Variants in SYN3 observed in about 807,000 individuals in gnomAD.
SYN3 encodes synapsin-3.
SYN3 carries 35 observed loss-of-function variants against 65.8 expected under a neutral mutation model. That is an observed-to-expected ratio of 0.53 (90% CI 0.41 to 0.70). SYN3 has a LOEUF of 0.70. Among genes scored for constraint, SYN3 ranks in the 30% least tolerant of loss-of-function variants. SYN3 has a pLI of 0.00. For synonymous variants in SYN3, 270 were observed against 292.9 expected, an observed-to-expected ratio of 0.92 and a Z score of 0.80; for missense variants, 680 against 749.0, an observed-to-expected ratio of 0.91 and a Z score of 1.08.
chr22:32,961,235 T>G (rs535352607), intron 3 of SYN3, among the ~76,000 whole-genome samples: 1 of 152,106 alleles, frequency 6.6e-6, no homozygotes, highest in Non-Finnish European at 1.5e-5. Flanking sequence ...GTTGGGGGGA[T>G]TGGGGCAAAA....
At chr22:32,685,057 A>G (rs1309067765) in intron 6 of SYN3, among the ~76,000 whole-genome samples, 1 of 152,192 alleles carries the variant, frequency 6.6e-6, no homozygotes, top group African/African-American at 2.4e-5. Context: ...ATATGGCTAC[A>G]TTCCTTTCAC....
chr22:33,049,172 T>A, intron 1 of SYN3, among the ~76,000 whole-genome samples: 1 of 152,202 alleles, frequency 6.6e-6, no homozygotes, highest in East Asian at 1.9e-4. Context: ...AGACACAGTG[T>A]TGCTGTACCC....
intron 7 of SYN3, among the ~76,000 whole-genome samples, chr22:32,566,075 T>C (rs1601648640): frequency 6.6e-6 from 1 of 152,210 alleles, no homozygotes; most frequent in East Asian, 1.9e-4. Flanking sequence ...TCTCCTGACC[T>C]AAAGTGATCC....
chr22:32,877,565 C>T (rs2049016035), intron 4 of SYN3, among the ~76,000 whole-genome samples: 1 of 152,134 alleles, frequency 6.6e-6, no homozygotes, highest in Admixed American at 6.5e-5. Flanking sequence ...ACTCCCATGC[C>T]CAGTTGTGAC....
intron 6 of SYN3, among the ~76,000 whole-genome samples, chr22:32,840,471 C>T (rs1025005151): frequency 1.3e-5 from 2 of 152,056 alleles, no homozygotes; most frequent in Admixed American, 1.3e-4. Context: ...AGAGAGAGTT[C>T]CTCTTCACTC....
At chr22:32,819,480 T>C (rs1025576017) in intron 6 of SYN3, among the ~76,000 whole-genome samples, 32 of 152,228 alleles carry the variant, frequency 2.1e-4, no homozygotes, top group African/African-American at 7.7e-4. Flanking sequence ...AGGATGTCCA[T>C]TGACTATAAA....
chr22:32,995,645 C>T (rs1347237440), intron 2 of SYN3, among the ~76,000 whole-genome samples: 4 of 151,524 alleles, frequency 2.6e-5, no homozygotes, highest in Non-Finnish European at 1.5e-5. Flanking sequence ...CTCATGCCTT[C>T]GGTCAAAGCA....
At chr22:32,684,517 T>C (rs2060565141) in intron 6 of SYN3, among the ~76,000 whole-genome samples, 2 of 152,224 alleles carry the variant, frequency 1.3e-5, no homozygotes, top group Admixed American at 1.3e-4. Flanking sequence ...ATCACCAAGC[T>C]CTTTTCTAAA....
chr22:32,964,119 G>A (rs2051746929), intron 3 of SYN3, among the ~76,000 whole-genome samples: 2 of 151,990 alleles, frequency 1.3e-5, no homozygotes, highest in African/African-American at 4.8e-5. Context: ...ATGAACCTCA[G>A]GGCTGTTGCT....
At chr22:32,535,493 G>A (rs951797646) in intron 9 of SYN3, among the ~76,000 whole-genome samples, 4 of 152,156 alleles carry the variant, frequency 2.6e-5, no homozygotes, top group Non-Finnish European at 5.9e-5. Context: ...CTTGGAGCTC[G>A]AAGAATCCTC....
At chr22:32,870,237 T>A (rs1323178312) in intron 4 of SYN3, among the ~76,000 whole-genome samples, 1 of 152,228 alleles carries the variant, frequency 6.6e-6, no homozygotes, top group Non-Finnish European at 1.5e-5. Flanking sequence ...AGGAAACTCC[T>A]AACAACCTTT....
chr22:32,703,763 C>A (rs187196271), intron 6 of SYN3, among the ~76,000 whole-genome samples: 147 of 152,170 alleles, frequency 9.7e-4, no homozygotes, highest in African/African-American at 3.3e-3. Flanking sequence ...TAAATGCATC[C>A]CACCCAATGT....
chr22:33,001,594 T>C (rs1455712024), intron 2 of SYN3, among the ~76,000 whole-genome samples: 1 of 152,240 alleles, frequency 6.6e-6, no homozygotes, highest in Non-Finnish European at 1.5e-5. Flanking sequence ...TACAAGGGGC[T>C]ACTGTTAAGA....
intron 3 of SYN3, among the ~76,000 whole-genome samples, chr22:32,969,366 A>G (rs2051948362): frequency 6.6e-6 from 1 of 152,214 alleles, no homozygotes; most frequent in Admixed American, 6.5e-5. Context: ...AGCATTCCCC[A>G]GCCCTCGCTG....
chr22:32,858,879 G>A (rs767112514), intron 6 of SYN3, among the ~76,000 whole-genome samples: 50 of 152,076 alleles, frequency 3.3e-4, no homozygotes, highest in Admixed American at 7.2e-4. Flanking sequence ...AGACGAAAAA[G>A]TCCTCTCAGT....
At chr22:32,563,659 A>G (rs1159627719) in intron 7 of SYN3, among the ~76,000 whole-genome samples, 2 of 152,100 alleles carry the variant, frequency 1.3e-5, no homozygotes, top group Admixed American at 1.3e-4. Flanking sequence ...CCCTTGGACA[A>G]CCTGGAGCCC....
At chr22:32,546,482 T>G (rs2058337673) in intron 7 of SYN3, among the ~76,000 whole-genome samples, 1 of 152,130 alleles carries the variant, frequency 6.6e-6, no homozygotes, top group Non-Finnish European at 1.5e-5. Flanking sequence ...GCCTCACAAG[T>G]TCTTGAGAAC....
At chr22:32,908,268 T>C (rs983313407) in intron 4 of SYN3, among the ~76,000 whole-genome samples, 2 of 151,976 alleles carry the variant, frequency 1.3e-5, no homozygotes, top group Non-Finnish European at 2.9e-5. Flanking sequence ...GTATTTTTAG[T>C]AGAGATGGGG....
intron 1 of SYN3, chr22:33,015,287 TA>T: frequency 1.6e-6 from 1 of 608,764 alleles, no homozygotes; most frequent in Non-Finnish European, 2.6e-6. Context: ...CAGACTATTT[TA>T]AACGGCGTTT....
Sources: allele counts gnomAD v4.1 joint callset (sites outside exome capture counted in the v4.1 genomes callset), GRCh38; gene constraint gnomAD v4.1.1; transcripts MANE v1.5; gene names NCBI Gene and HGNC (gene_info 2026-07-23, HGNC 2026-07-21).